FANCB: variants seen among roughly 807,000 people sequenced by gnomAD.
FANCB encodes the protein Fanconi anemia group B protein.
FANCB carries 5 observed loss-of-function variants against 38.9 expected under a neutral mutation model. The observed-to-expected ratio is 0.13, with a 90% CI of 0.07 to 0.27. The LOEUF (loss-of-function observed/expected upper bound fraction) is 0.27. Ranked by LOEUF, FANCB falls within the 10% of genes least tolerant of loss-of-function variation. FANCB has a pLI of 1.00. For missense variants in FANCB, 573 were observed against 602.7 expected (o/e 0.95, Z 0.52); for synonymous variants, 236 against 215.4 (o/e 1.10, Z -0.84).
the FANCB span, among the ~76,000 whole-genome samples, chrX:14,792,336 T>C: frequency 3.6e-5 from 4 of 110,987 alleles, no homozygotes; most frequent in East Asian, 2.8e-4. Flanking sequence ...AGGCTCTCCA[T>C]TGACGCCTTT....
chrX:14,780,248 A>G, the FANCB span, among the ~76,000 whole-genome samples: 3 of 109,703 alleles, frequency 2.7e-5, no homozygotes, highest in African/African-American at 1.0e-4. Context: ...GTCGTTTTTT[A>G]TTTGTTTATT....
chrX:14,821,532 G>C, the FANCB span, among the ~76,000 whole-genome samples: 1 of 112,243 alleles, frequency 8.9e-6, no homozygotes, highest in East Asian at 2.8e-4. Flanking sequence ...AAATAGTTAA[G>C]ACATATGACA....
At chrX:14,832,418 C>T (rs1306833419), downstream of FANCB, among the ~76,000 whole-genome samples, 1 of 111,619 alleles carries the variant, frequency 9.0e-6, no homozygotes, top group African/African-American at 3.3e-5. Flanking sequence ...ACCACATCTG[C>T]AACAACCCTA....
At chrX:14,696,230 G>A in the FANCB span, among the ~76,000 whole-genome samples, 3 of 102,021 alleles carry the variant, frequency 2.9e-5, no homozygotes, top group Non-Finnish European at 6.0e-5. Context: ...GAGGGAGGGA[G>A]GGAGGGAGGG....
At chrX:14,812,216 A>G in the FANCB span, among the ~76,000 whole-genome samples, 1 of 111,343 alleles carries the variant, frequency 9.0e-6, no homozygotes, top group Non-Finnish European at 1.9e-5. Context: ...AAAGCAGGAA[A>G]GATCCAAAAT....
chrX:14,705,839 A>G, the FANCB span, among the ~76,000 whole-genome samples: 2 of 112,041 alleles, frequency 1.8e-5, no homozygotes, highest in Non-Finnish European at 3.8e-5. Context: ...AAATGTTGAC[A>G]TGTTGACATG....
At chrX:14,730,933 C>T in the FANCB span, 1 of 107,578 alleles carries the variant, frequency 9.3e-6, no homozygotes, top group Non-Finnish European at 1.9e-5. Flanking sequence ...CACACACACA[C>T]ACACACACAC....
At chrX:14,768,551 A>G in the FANCB span, among the ~76,000 whole-genome samples, 14 of 112,135 alleles carry the variant, frequency 1.2e-4, no homozygotes, top group South Asian at 3.7e-4. Flanking sequence ...CAGCTTAAGA[A>G]GCTTTTGATT....
At chrX:14,758,641 C>G in the FANCB span, among the ~76,000 whole-genome samples, 14 of 111,745 alleles carry the variant, frequency 1.3e-4, no homozygotes, top group African/African-American at 4.2e-4. Flanking sequence ...TGCAGTTCAG[C>G]TCTCAGAAAG....
chrX:14,756,460 T>G, the FANCB span, among the ~76,000 whole-genome samples: 3 of 111,720 alleles, frequency 2.7e-5, no homozygotes, highest in Admixed American at 1.9e-4. Context: ...GCAACTCAAC[T>G]CAATAGAAAA....
the FANCB span, among the ~76,000 whole-genome samples, chrX:14,775,160 G>GTTTTTTTTTTTTTTTTTTCTTTTTTT: frequency 2.9e-5 from 1 of 35,001 alleles, no homozygotes; most frequent in Non-Finnish European, 6.0e-5. Context: ...TTTCTCTAAT[G>GTTTTTTTTTTTTTTTTTTCTTTTTTT]TTTTTTTTTT....
At chrX:14,741,511 C>T in the FANCB span, among the ~76,000 whole-genome samples, 2 of 111,471 alleles carry the variant, frequency 1.8e-5, no homozygotes, top group African/African-American at 3.3e-5. Flanking sequence ...TAAATCGCCC[C>T]AGCTAGTACA....
chrX:14,852,278 C>A (rs1289267895), intron 6 of FANCB, among the ~76,000 whole-genome samples: 3 of 108,767 alleles, frequency 2.8e-5, no homozygotes, highest in Non-Finnish European at 5.7e-5. Context: ...AAGTTATTCT[C>A]CTACCTCAAC....
chrX:14,798,408 C>T, the FANCB span, among the ~76,000 whole-genome samples: 98 of 111,418 alleles, frequency 8.8e-4, no homozygotes, highest in African/African-American at 2.0e-3. Flanking sequence ...GTGATCCACC[C>T]GCCTCGGCCT....
the FANCB span, among the ~76,000 whole-genome samples, chrX:14,692,983 G>A: frequency 9.1e-6 from 1 of 109,791 alleles, no homozygotes; most frequent in Non-Finnish European, 1.9e-5. Context: ...CATGGCACAT[G>A]TATACATATG....
chrX:14,739,472 A>C, the FANCB span, among the ~76,000 whole-genome samples: 1 of 112,327 alleles, frequency 8.9e-6, no homozygotes, highest in Non-Finnish European at 1.9e-5. Flanking sequence ...AGAAAAGAAA[A>C]ACCTGGAAAG....
the FANCB span, among the ~76,000 whole-genome samples, chrX:14,758,863 T>C: frequency 1.1e-4 from 12 of 111,233 alleles, no homozygotes; most frequent in Non-Finnish European, 1.3e-4. Flanking sequence ...GCAATAGATC[T>C]AAATCAAGAC....
chrX:14,708,945 AAGAAAAAAAAAAGAG>A, the FANCB span, among the ~76,000 whole-genome samples: 2 of 110,445 alleles, frequency 1.8e-5, no homozygotes, highest in African/African-American at 6.8e-5. Flanking sequence ...TCCACACAAA[AAGAAAAAAAAAAGAG>A]AGAGAGACAG....
downstream of FANCB, chrX:14,834,763 C>G: frequency 1.5e-6 from 1 of 646,038 alleles, no homozygotes; most frequent in Non-Finnish European, 2.5e-6. Context: ...GCTGTAGTAT[C>G]TTGTATAGAT....
Sources: gnomAD v4.1 joint callset for allele counts (sites outside exome capture counted in the v4.1 genomes callset) on GRCh38, gnomAD v4.1.1 for gene constraint, MANE v1.5 for transcripts, NCBI Gene and HGNC (gene_info 2026-07-23, HGNC 2026-07-21) for gene names.